CHRM3: variants seen among roughly 807,000 people sequenced by gnomAD.
CHRM3 encodes cholinergic receptor muscarinic 3.
CHRM3 carries 11 observed loss-of-function variants against 41.8 expected under a neutral mutation model. That is an observed-to-expected ratio of 0.26 (90% CI 0.17 to 0.44). CHRM3 has a LOEUF of 0.44. Ranked by LOEUF, CHRM3 falls within the 20% of genes least tolerant of loss-of-function variation. CHRM3 has a pLI of 1.00. For synonymous variants in CHRM3, 297 were observed against 301.4 expected (o/e 0.99, Z 0.15); for missense variants, 571 against 745.4 (o/e 0.77, Z 2.72).
At chr1:239,541,451 C>T (rs915768153) in intron 2 of CHRM3, among the ~76,000 whole-genome samples, 1 of 152,234 alleles carries the variant, frequency 6.6e-6, no homozygotes, top group African/African-American at 2.4e-5. Flanking sequence ...GATGGATCTC[C>T]AAGATAACTA....
intron 6 of CHRM3, among the ~76,000 whole-genome samples, chr1:239,861,910 A>C (rs998555879): frequency 7.2e-5 from 11 of 152,212 alleles, no homozygotes; most frequent in African/African-American, 2.7e-4. Flanking sequence ...GAGATAAACA[A>C]ATTTGCAGAT....
intron 2 of CHRM3, among the ~76,000 whole-genome samples, chr1:239,508,417 T>C (rs1009204876): frequency 7.2e-5 from 11 of 152,236 alleles, no homozygotes; most frequent in Non-Finnish European, 1.5e-5. Flanking sequence ...GTGTTTTTCA[T>C]TGAACTACAT....
chr1:239,751,177 G>A (rs1464244330), intron 5 of CHRM3, among the ~76,000 whole-genome samples: 1 of 150,902 alleles, frequency 6.6e-6, no homozygotes, highest in Non-Finnish European at 1.5e-5. Flanking sequence ...GGCAGAGGTT[G>A]CAGTGAGCCG....
intron 1 of CHRM3, among the ~76,000 whole-genome samples, chr1:239,411,067 C>T (rs553991121): frequency 2.6e-5 from 4 of 152,134 alleles, no homozygotes; most frequent in Non-Finnish European, 4.4e-5. Context: ...TTGTTGCATT[C>T]CTGTGTCACT....
intron 1 of CHRM3, among the ~76,000 whole-genome samples, chr1:239,476,315 A>T (rs1042087919): frequency 2.6e-5 from 4 of 152,018 alleles, no homozygotes; most frequent in Non-Finnish European, 4.4e-5. Context: ...AAGATACAAA[A>T]ATTAGCCGGG....
At chr1:239,785,052 G>T (rs1213588122) in intron 5 of CHRM3, among the ~76,000 whole-genome samples, 2 of 152,068 alleles carry the variant, frequency 1.3e-5, no homozygotes, top group African/African-American at 4.8e-5. Flanking sequence ...TTTGCCATCT[G>T]CCAGTTTGCT....
intron 6 of CHRM3, among the ~76,000 whole-genome samples, chr1:239,882,155 G>C (rs2102881964): frequency 1.3e-5 from 2 of 152,202 alleles, no homozygotes; most frequent in South Asian, 4.1e-4. Flanking sequence ...TGGTCTGCCT[G>C]CCTCAGCCTC....
chr1:239,457,942 A>T (rs1665073232), intron 1 of CHRM3, among the ~76,000 whole-genome samples: 1 of 152,144 alleles, frequency 6.6e-6, no homozygotes, highest in African/African-American at 2.4e-5. Context: ...TCCATGAAGG[A>T]AGTTGTTTCT....
chr1:239,584,821 C>T (rs995790310), intron 3 of CHRM3, among the ~76,000 whole-genome samples: 2 of 152,086 alleles, frequency 1.3e-5, no homozygotes, highest in Non-Finnish European at 2.9e-5. Flanking sequence ...GTTGGAAAAG[C>T]GTCTGTTGGT....
At chr1:239,589,471 T>C (rs1663830062) in intron 3 of CHRM3, among the ~76,000 whole-genome samples, 1 of 150,718 alleles carries the variant, frequency 6.6e-6, no homozygotes, top group Admixed American at 6.6e-5. Flanking sequence ...TGTGTATACA[T>C]AGTTTCATAT....
intron 6 of CHRM3, among the ~76,000 whole-genome samples, chr1:239,878,590 C>T (rs1677316744): frequency 6.6e-6 from 1 of 151,254 alleles, no homozygotes. Flanking sequence ...ACTATCTTCT[C>T]AGTATTTTAA....
chr1:239,625,141 G>A (rs1668898203), intron 3 of CHRM3, among the ~76,000 whole-genome samples: 1 of 53,964 alleles, frequency 1.9e-5, no homozygotes, highest in Non-Finnish European at 3.2e-5. Flanking sequence ...AGCATGGAAT[G>A]TTCTTCCATT....
intron 5 of CHRM3, among the ~76,000 whole-genome samples, chr1:239,809,956 G>C (rs1188968293): frequency 6.6e-6 from 1 of 152,224 alleles, no homozygotes; most frequent in Non-Finnish European, 1.5e-5. Flanking sequence ...GTGTCTGCTC[G>C]ACTAAGGAGG....
chr1:239,689,426 A>C (rs2147964654), intron 5 of CHRM3, among the ~76,000 whole-genome samples: 1 of 152,342 alleles, frequency 6.6e-6, no homozygotes, highest in South Asian at 2.1e-4. Context: ...GGAATGAAAA[A>C]ATGAATAAAA....
intron 1 of CHRM3, among the ~76,000 whole-genome samples, chr1:239,457,211 A>G (rs1427798942): frequency 2.0e-5 from 3 of 152,134 alleles, no homozygotes; most frequent in African/African-American, 7.2e-5. Flanking sequence ...TTAAGCCTCC[A>G]TTTTCGCAAC....
intron 1 of CHRM3, among the ~76,000 whole-genome samples, chr1:239,461,392 CA>C (rs1198548626): frequency 3.9e-5 from 6 of 152,044 alleles, no homozygotes; most frequent in African/African-American, 1.2e-4. Context: ...CAAGCTAGCT[CA>C]GGGGGAAATA....
intron 5 of CHRM3, among the ~76,000 whole-genome samples, chr1:239,713,041 G>A (rs900456750): frequency 6.6e-6 from 1 of 152,126 alleles, no homozygotes; most frequent in African/African-American, 2.4e-5. Flanking sequence ...GTCCACACGG[G>A]CAACACAAAC....
At chr1:239,462,611 T>G (rs2147887718) in intron 1 of CHRM3, among the ~76,000 whole-genome samples, 1 of 152,342 alleles carries the variant, frequency 6.6e-6, no homozygotes, top group African/African-American at 2.4e-5. Flanking sequence ...GTTATCAAAA[T>G]GATGATTAAT....
intron 3 of CHRM3, among the ~76,000 whole-genome samples, chr1:239,553,089 T>C (rs1375774041): frequency 2.6e-5 from 4 of 152,056 alleles, no homozygotes; most frequent in Admixed American, 1.3e-4. Flanking sequence ...CGAGGAGACG[T>C]ATACTGTTCT....
Sources: gnomAD v4.1 joint callset for allele counts (sites outside exome capture counted in the v4.1 genomes callset) on GRCh38, gnomAD v4.1.1 for gene constraint, MANE v1.5 for transcripts, NCBI Gene and HGNC (gene_info 2026-07-23, HGNC 2026-07-21) for gene names.